RSU1: variants seen among roughly 807,000 people sequenced by gnomAD.
RSU1 encodes Ras suppressor protein 1.
RSU1 carries 26 observed loss-of-function variants against 31.1 expected under a neutral mutation model. The ratio of observed to expected loss-of-function variants is 0.84; its 90% confidence interval spans 0.61 to 1.16. The LOEUF is 1.16. Among genes scored for constraint, RSU1 ranks in the 50% most tolerant of loss-of-function variants. The probability of loss-of-function intolerance (pLI) is 0.00; values close to 1 mark genes in which losing one functional copy is unlikely to be tolerated. For synonymous variants in RSU1, 164 were observed against 136.3 expected (o/e 1.20, Z -1.41); for missense variants, 320 against 339.1 (o/e 0.94, Z 0.44).
chr10:16,759,384 G>GT (rs1837161573), intron 4 of RSU1, among the ~76,000 whole-genome samples: 1 of 152,064 alleles, frequency 6.6e-6, no homozygotes, highest in African/African-American at 2.4e-5. Flanking sequence ...GTGCGTACCT[G>GT]TGGTCCCAGC....
At chr10:16,689,448 G>A (rs1835499549) in intron 8 of RSU1, among the ~76,000 whole-genome samples, 1 of 152,220 alleles carries the variant, frequency 6.6e-6, no homozygotes, top group Non-Finnish European at 1.5e-5. Context: ...AGAGGATATA[G>A]TAGTTGTTTA....
rs1047008035 is a variant in RSU1 at position 16,645,873 on chromosome 10, T to C, written c.731+49150A>G. On this transcript the variant is annotated intron_variant, in intron 8 of 8. Transcript: ENST00000345264. Reference sequence around the variant, plus strand: ...TTTAAAATATATACGTATATATACATATATGTGTATATACATATATGTATA... The same window carrying C: ...TTTAAAATATATACGTATATATACACATATGTGTATATACATATATGTATA... Among the ~76,000 whole-genome samples, 6 of 115,232 alleles carry C rather than the reference T, an allele frequency of 5.2e-5. 1 individual carries two copies. The highest frequency in any genetic ancestry group is 1.8e-4 in the Admixed American group (2 of 10,868). 75.6% of individuals were successfully genotyped at this position (115,232 alleles called of 152,430 possible).
At chr10:16,781,924 G>A (rs909103135) in intron 3 of RSU1, 110 bp downstream of exon 3, 25 of 914,306 alleles carry the variant, frequency 2.7e-5, no homozygotes, top group Non-Finnish European at 4.0e-5. Flanking sequence ...TAAGGTTTCT[G>A]CAAATAATCA....
At chr10:16,796,622 C>T (rs1027560245) in intron 2 of RSU1, among the ~76,000 whole-genome samples, 8 of 152,168 alleles carry the variant, frequency 5.3e-5, no homozygotes, top group African/African-American at 1.9e-4. Context: ...TCACAATGAT[C>T]ATTTTTTGAG....
intron 7 of RSU1, among the ~76,000 whole-genome samples, chr10:16,714,836 T>G (rs1836104027): frequency 6.6e-6 from 1 of 152,088 alleles, no homozygotes; most frequent in Non-Finnish European, 1.5e-5. Context: ...GCTGCTTAGG[T>G]TGCGGGTCCT....
intron 7 of RSU1, among the ~76,000 whole-genome samples, chr10:16,735,011 TC>T (rs1473018704): frequency 6.6e-6 from 1 of 152,128 alleles, no homozygotes; most frequent in African/African-American, 2.4e-5. Context: ...AAAAAATCAT[TC>T]CCTTAAACCC....
intron 7 of RSU1, among the ~76,000 whole-genome samples, chr10:16,720,150 T>TC (rs1298882081): frequency 1.3e-5 from 2 of 152,216 alleles, no homozygotes; most frequent in Non-Finnish European, 2.9e-5. Context: ...CTTTCCTTTT[T>TC]CCCCGTCTCT....
At chr10:16,672,659 A>T (rs770662052) in intron 8 of RSU1, among the ~76,000 whole-genome samples, 3 of 152,144 alleles carry the variant, frequency 2.0e-5, no homozygotes, top group Non-Finnish European at 4.4e-5. Context: ...TATTTATCGA[A>T]CACTCTACAA....
intron 7 of RSU1, among the ~76,000 whole-genome samples, chr10:16,739,258 C>G (rs904254195): frequency 6.6e-6 from 1 of 151,914 alleles, no homozygotes; most frequent in African/African-American, 2.4e-5. Flanking sequence ...AATGGTATTT[C>G]TGGTTCTAGA....
chr10:16,688,730 G>A (rs987444954), intron 8 of RSU1, among the ~76,000 whole-genome samples: 19 of 152,190 alleles, frequency 1.2e-4, no homozygotes, highest in African/African-American at 4.1e-4. Flanking sequence ...GCCAGGTGCC[G>A]TGGTGCGTGC....
At chr10:16,782,281 C>T (rs895411408) in intron 2 of RSU1, among the ~76,000 whole-genome samples, 197 bp from the exon 3 acceptor site, 11 of 152,166 alleles carry the variant, frequency 7.2e-5, no homozygotes, top group African/African-American at 1.2e-4. Flanking sequence ...ATGCAACTAA[C>T]GGTGCAATTA....
At chr10:16,602,244 T>C (rs1470944697) in intron 8 of RSU1, among the ~76,000 whole-genome samples, 6 of 152,178 alleles carry the variant, frequency 3.9e-5, no homozygotes, top group Admixed American at 6.5e-5. Context: ...TGATGATACA[T>C]AAAGTGACTC....
At chr10:16,797,985 CAGAG>C (rs1838077445) in intron 2 of RSU1, among the ~76,000 whole-genome samples, 1 of 151,656 alleles carries the variant, frequency 6.6e-6, no homozygotes, top group Non-Finnish European at 1.5e-5. Flanking sequence ...CCTCAGCCTC[CAGAG>C]TAGCTGGGAT....
Position 16,657,954 on chromosome 10 carries a change from C to T in RSU1, c.731+37069G>A, listed in dbSNP as rs146913653. Among the ~76,000 whole-genome samples the T allele has an allele frequency of 2.0e-3, 300 of 152,152 alleles. 4 individuals carry two copies. The East Asian group carries it at 0.049, about 25-fold the overall frequency. ...GCAGTGAGCCAAGATCACACGACTG[C>T]ACTCCAGCCTGGGGAACAGAGCGAG... On this transcript the variant is annotated intron_variant, in intron 8 of 8. Transcript: ENST00000345264.
intron 5 of RSU1, 94 bp downstream of exon 5, chr10:16,754,777 A>G (rs1837049145): frequency 2.7e-6 from 2 of 748,526 alleles, no homozygotes; most frequent in African/African-American, 1.8e-5. Flanking sequence ...CTGTCCAATA[A>G]TTTCTCTTGG....
intron 8 of RSU1, among the ~76,000 whole-genome samples, chr10:16,689,301 TA>T (rs1374194478): frequency 6.6e-6 from 1 of 152,240 alleles, no homozygotes; most frequent in Non-Finnish European, 1.5e-5. Context: ...TTCTTAGAGA[TA>T]ATTTCCTACA....
At chr10:16,800,734 G>C (rs979557618) in intron 2 of RSU1, among the ~76,000 whole-genome samples, 2 of 152,160 alleles carry the variant, frequency 1.3e-5, no homozygotes, top group Non-Finnish European at 2.9e-5. Flanking sequence ...CTCTGAAGTG[G>C]CACAGTGTTA....
chr10:16,621,701 A>G (rs999666197), intron 8 of RSU1, among the ~76,000 whole-genome samples: 2 of 152,128 alleles, frequency 1.3e-5, no homozygotes, highest in African/African-American at 4.8e-5. Context: ...TCTTTATAAA[A>G]CCATCAGATC....
intron 8 of RSU1, among the ~76,000 whole-genome samples, chr10:16,662,794 C>T (rs542871592): frequency 5.9e-5 from 9 of 152,088 alleles, no homozygotes; most frequent in African/African-American, 1.7e-4. Context: ...AGAAAAAAAT[C>T]GGGTTATTTT....
Sources: gnomAD v4.1 joint callset for allele counts (sites outside exome capture counted in the v4.1 genomes callset) on GRCh38, gnomAD v4.1.1 for gene constraint, MANE v1.5 for transcripts, NCBI Gene and HGNC (gene_info 2026-07-23, HGNC 2026-07-21) for gene names.